The following CTSC variants were observed in gnomAD, a reference collection of about 807,000 sequenced individuals.
The protein encoded by CTSC is cathepsin C.
In CTSC, 37 loss-of-function variants were observed where a neutral mutation model predicts 40.9. That is an observed-to-expected ratio of 0.91 (90% CI 0.70 to 1.19). CTSC has a LOEUF of 1.19. CTSC is among the 50% of genes most tolerant of loss of function. CTSC has a pLI of 0.00. For synonymous variants in CTSC, 232 were observed against 207.4 expected, an observed-to-expected ratio of 1.12 and a Z score of -1.02; for missense variants, 594 against 567.3, an observed-to-expected ratio of 1.05 and a Z score of -0.48.
chr11:88,327,940 C>A, intron 2 of CTSC: 1 of 646,598 alleles, frequency 1.5e-6, no homozygotes, highest in South Asian at 1.8e-5. Flanking sequence ...TAAAATAGTG[C>A]AGACAACTTA....
rs580743 is a variant in CTSC, at chr11:88,328,237, A to C, written c.318+6700T>G. ...AATGGTAAACTGAGTCATTATGTTG[A>C]GATTAAGCATCATCATGAAAGAAGA... On this transcript the variant is annotated intron_variant, in intron 2 of 6. Transcript: ENST00000227266. 686,508 of 1,377,526 alleles carry C rather than the reference A, an allele frequency of 0.5. 175,096 individuals are homozygous for C. Among genetic ancestry groups the C allele is most frequent in the Non-Finnish European group, 0.54 (522,778 of 965,980 alleles). 85.3% of individuals were successfully genotyped at this position (1,377,526 alleles called of 1,614,324 possible).
At chr11:88,326,904 G>A (rs945529163) in intron 2 of CTSC, among the ~76,000 whole-genome samples, 1 of 152,084 alleles carries the variant, frequency 6.6e-6, no homozygotes, top group Non-Finnish European at 1.5e-5. Flanking sequence ...CCCTAACTAG[G>A]AGAAAGAGTG....
chr11:88,312,680 C>T (rs1937791612), intron 2 of CTSC, 126 bp from the exon 3 acceptor site: 2 of 1,022,236 alleles, frequency 2.0e-6, no homozygotes, highest in South Asian at 2.8e-5. Flanking sequence ...TGAGAGGTTA[C>T]ACTGTAAGAA....
At chr11:88,335,540 A>T (rs751004218) in intron 1 of CTSC, among the ~76,000 whole-genome samples, 11 of 152,198 alleles carry the variant, frequency 7.2e-5, no homozygotes, top group Non-Finnish European at 1.5e-4. Context: ...ATGATTGCAC[A>T]ACTGCATTCC....
chr11:88,327,837 C>A (rs1023981667), intron 2 of CTSC: 2 of 449,602 alleles, frequency 4.4e-6, no homozygotes, highest in Non-Finnish European at 8.2e-6. Context: ...TTACCCTTTT[C>A]GGTTCACGTC....
chr11:88,335,189 C>A, intron 1 of CTSC, 107 bp from the exon 2 acceptor site: 1 of 805,782 alleles, frequency 1.2e-6, no homozygotes. Flanking sequence ...TTTCATGCTA[C>A]CCAGTTTGAG....
At chr11:88,304,802 A>C (rs915972568) in intron 4 of CTSC, among the ~76,000 whole-genome samples, 1 of 152,244 alleles carries the variant, frequency 6.6e-6, no homozygotes, top group African/African-American at 2.4e-5. Flanking sequence ...TGACAGTTTA[A>C]GAATGCCATG....
At chr11:88,297,267 A>T (rs1944308833) in intron 5 of CTSC, 1 of 152,268 alleles carries the variant, frequency 6.6e-6, no homozygotes, top group African/African-American at 2.4e-5. Flanking sequence ...GATACTATCC[A>T]TAGGACCCAT....
At chr11:88,299,559 A>G (rs1167068059) in intron 5 of CTSC, 1 of 152,238 alleles carries the variant, frequency 6.6e-6, no homozygotes, top group African/African-American at 2.4e-5. Context: ...ACACTGCAAG[A>G]ATTCAGTGAG....
At chr11:88,298,463 T>C (rs1414530824) in intron 5 of CTSC, 2 of 152,240 alleles carry the variant, frequency 1.3e-5, no homozygotes, top group Non-Finnish European at 2.9e-5. Context: ...CAATTTGCTC[T>C]CTGACTACAG....
chr11:88,314,297 A>C (rs1379872965), intron 2 of CTSC, among the ~76,000 whole-genome samples: 1 of 152,214 alleles, frequency 6.6e-6, no homozygotes, highest in East Asian at 1.9e-4. Context: ...GCCAACCCCC[A>C]GTTTAGAGAA....
At chr11:88,296,069 CCAA>C in intron 6 of CTSC, 61 bp downstream of exon 6, 1 of 1,585,636 alleles carries the variant, frequency 6.3e-7, no homozygotes, top group Non-Finnish European at 8.7e-7. Flanking sequence ...TTTGCCTTTG[CCAA>C]CAACAGCCAG....
chr11:88,316,849 A>C (rs79230541), intron 2 of CTSC, among the ~76,000 whole-genome samples: 3,574 of 152,366 alleles, frequency 0.023, 152 homozygotes, highest in African/African-American at 0.081. Flanking sequence ...ATTACTTCAG[A>C]AGTGCAAATG....
At chr11:88,333,895 T>C (rs1938425900) in intron 2 of CTSC, among the ~76,000 whole-genome samples, 1 of 152,078 alleles carries the variant, frequency 6.6e-6, no homozygotes, top group South Asian at 2.1e-4. Flanking sequence ...ATCTTTTTTT[T>C]TTCCATATTA....
chr11:88,301,789 C>A (rs1372610479), intron 4 of CTSC, among the ~76,000 whole-genome samples: 2 of 117,784 alleles, frequency 1.7e-5, no homozygotes, highest in African/African-American at 6.1e-5. Flanking sequence ...TACACATGCA[C>A]ACACACACAA....
intron 4 of CTSC, among the ~76,000 whole-genome samples, chr11:88,308,460 TTTATTTTATTTA>T (rs1232459215): frequency 2.7e-5 from 4 of 146,650 alleles, no homozygotes; most frequent in East Asian, 4.2e-4. Context: ...AAATTTTATA[TTTATTTTATTTA>T]TTATTTTATT....
chr11:88,315,343 C>G (rs1431440225), intron 2 of CTSC, among the ~76,000 whole-genome samples: 1 of 152,054 alleles, frequency 6.6e-6, no homozygotes, highest in Non-Finnish European at 1.5e-5. Context: ...TGCAGTATAA[C>G]ACAAGTTAAA....
chr11:88,302,519 G>A (rs1204446878), intron 4 of CTSC, among the ~76,000 whole-genome samples: 5 of 150,904 alleles, frequency 3.3e-5, no homozygotes, highest in South Asian at 4.2e-4. Flanking sequence ...CCAGCTACTC[G>A]GGAGGCTGAG....
At position 88,296,170 on chromosome 11, in the gene CTSC, G is replaced by T. The variant is rs760970975; in HGVS notation, c.852C>A (p.Ser284Arg). Residue 284 changes from serine (S) to arginine (R), a missense_variant, in exon 6 of 7, where the codon AGC becomes AGA. Transcript: ENST00000227266. The part of the protein sequence containing the change: ...LTNNSQTPIL[S>R]PQEVVSCSQY... ...GGCTACAAGACACAACCTCCTGAGG[G>T]CTTAGGATTGGGGTCTGAGAATTGT... 8.7e-6 allele frequency: 14 copies of T among 1,613,852 alleles called. No homozygotes were observed. The highest frequency in any genetic ancestry group is 1.0e-5 in the Non-Finnish European group (12 of 1,179,926).
Sources: allele counts gnomAD v4.1 joint callset (sites outside exome capture counted in the v4.1 genomes callset), GRCh38; gene constraint gnomAD v4.1.1; transcripts MANE v1.5; gene names NCBI Gene and HGNC (gene_info 2026-07-23, HGNC 2026-07-21).